Variants in GRM1 observed in about 807,000 individuals in gnomAD.
The protein encoded by GRM1 is glutamate metabotropic receptor 1.
Under a neutral mutation model 90.9 loss-of-function variants are expected in GRM1, and 33 were observed. That is an observed-to-expected ratio of 0.36 (90% CI 0.28 to 0.49). The LOEUF (loss-of-function observed/expected upper bound fraction) is 0.49. GRM1 is among the 20% of genes least tolerant of loss of function. GRM1 has a pLI of 0.99. For synonymous variants in GRM1, 700 were observed against 613.2 expected (o/e 1.14, Z -2.09); for missense variants, 1,190 against 1,534.3 (o/e 0.78, Z 3.75).
At chr6:146,052,905 C>T (rs1315701126) in intron 1 of GRM1, among the ~76,000 whole-genome samples, 5 of 152,098 alleles carry the variant, frequency 3.3e-5, no homozygotes, top group East Asian at 1.9e-4. Context: ...CGTCATATTT[C>T]CAGAACCTAG....
chr6:146,358,442 G>A (rs1045976226), intron 5 of GRM1, among the ~76,000 whole-genome samples: 2 of 152,090 alleles, frequency 1.3e-5, no homozygotes, highest in Non-Finnish European at 2.9e-5. Context: ...TGAATGGCAG[G>A]GTATGGATTA....
intron 1 of GRM1, among the ~76,000 whole-genome samples, chr6:146,135,893 T>C (rs1776598893): frequency 6.6e-6 from 1 of 152,118 alleles, no homozygotes; most frequent in South Asian, 2.1e-4. Flanking sequence ...TCTATTTTTT[T>C]ATACCCATTA....
intron 3 of GRM1, among the ~76,000 whole-genome samples, chr6:146,333,054 A>G (rs760546247): frequency 9.2e-5 from 14 of 152,220 alleles, no homozygotes; most frequent in Non-Finnish European, 1.9e-4. Context: ...ATTGATAACT[A>G]TGCTTCATTA....
intron 3 of GRM1, among the ~76,000 whole-genome samples, chr6:146,346,092 G>A (rs1785179862): frequency 6.6e-6 from 1 of 152,190 alleles, no homozygotes; most frequent in Non-Finnish European, 1.5e-5. Flanking sequence ...ACACCCTTGT[G>A]ATTGCCCTTA....
chr6:146,167,595 C>T (rs1372003370), intron 2 of GRM1, among the ~76,000 whole-genome samples: 1 of 152,010 alleles, frequency 6.6e-6, no homozygotes, highest in Non-Finnish European at 1.5e-5. Flanking sequence ...GTGGGTGTAT[C>T]GTGGCATCTC....
chr6:146,074,340 G>A (rs1194290445), intron 1 of GRM1, among the ~76,000 whole-genome samples: 1 of 152,106 alleles, frequency 6.6e-6, no homozygotes, highest in African/African-American at 2.4e-5. Context: ...CACAGGAGGA[G>A]TTTAAGAAGA....
chr6:146,270,932 CCTTCCTTCCTTCCTTCCTTCCTTT>C (rs1782126930), intron 2 of GRM1, among the ~76,000 whole-genome samples: 1 of 123,190 alleles, frequency 8.1e-6, no homozygotes, highest in African/African-American at 3.9e-5. Flanking sequence ...TTCCTTCCTT[CCTTCCTTCCTTCCTTCCTTCCTTT>C]CTTTCTTTCT....
chr6:146,349,072 T>C (rs1440425670), intron 3 of GRM1, among the ~76,000 whole-genome samples: 1 of 147,582 alleles, frequency 6.8e-6, no homozygotes. Flanking sequence ...TTATTATTAT[T>C]ATTATTATTA....
intron 1 of GRM1, among the ~76,000 whole-genome samples, chr6:146,155,964 C>T (rs1777512874): frequency 6.6e-6 from 1 of 152,190 alleles, no homozygotes; most frequent in South Asian, 2.1e-4. Flanking sequence ...TCACTGAGAA[C>T]AAGAATGGAT....
chr6:146,335,257 T>C (rs909922464), intron 3 of GRM1, among the ~76,000 whole-genome samples: 34 of 152,186 alleles, frequency 2.2e-4, no homozygotes, highest in African/African-American at 7.2e-5. Context: ...TGTTATAATT[T>C]GTATTTATGT....
chr6:146,297,483 T>A (rs1051206728), intron 2 of GRM1, among the ~76,000 whole-genome samples: 8 of 152,278 alleles, frequency 5.3e-5, no homozygotes, highest in South Asian at 2.1e-4. Flanking sequence ...AATTTTTTTT[T>A]AAATATTCTA....
At chr6:146,109,725 G>A (rs189976521) in intron 1 of GRM1, among the ~76,000 whole-genome samples, 247 of 152,212 alleles carry the variant, frequency 1.6e-3, no homozygotes, top group African/African-American at 5.4e-3. Context: ...ACTCAATTCC[G>A]GCCCACGAAA....
intron 3 of GRM1, among the ~76,000 whole-genome samples, chr6:146,312,185 C>CA (rs1783794843): frequency 6.6e-6 from 1 of 151,174 alleles, no homozygotes; most frequent in Admixed American, 6.6e-5. Context: ...ACTAAAAACA[C>CA]AAAAAATTAG....
intron 3 of GRM1, among the ~76,000 whole-genome samples, chr6:146,351,241 T>G (rs1419190688): frequency 6.6e-6 from 1 of 152,154 alleles, no homozygotes; most frequent in Non-Finnish European, 1.5e-5. Context: ...ATTGCTGACT[T>G]TCCCACCTTC....
intron 2 of GRM1, among the ~76,000 whole-genome samples, chr6:146,229,263 C>T (rs73575033): frequency 0.092 from 13,903 of 151,294 alleles, 1,687 homozygotes; most frequent in African/African-American, 0.27. Flanking sequence ...GGATTACAGG[C>T]GTGACCCAAC....
At chr6:146,212,501 T>C (rs962190940) in intron 2 of GRM1, among the ~76,000 whole-genome samples, 1 of 152,214 alleles carries the variant, frequency 6.6e-6, no homozygotes, top group Non-Finnish European at 1.5e-5. Context: ...CAGATATTAA[T>C]GCTCCAGGCC....
chr6:146,393,332 T>A (rs1359776549), intron 6 of GRM1, among the ~76,000 whole-genome samples: 1 of 152,182 alleles, frequency 6.6e-6, no homozygotes, highest in Non-Finnish European at 1.5e-5. Context: ...AGTGTCTTCT[T>A]TTGAGAAGTT....
chr6:146,265,511 T>C (rs975282176), intron 2 of GRM1, among the ~76,000 whole-genome samples: 3 of 152,252 alleles, frequency 2.0e-5, no homozygotes, highest in African/African-American at 7.2e-5. Flanking sequence ...TTTCTTTGGC[T>C]GTCCAGAAAC....
rs545021645 is a variant in GRM1, at chr6:146,375,372, C to T, written c.1603-11518C>T. Among the ~76,000 whole-genome samples, 8 of 151,878 alleles carry T rather than the reference C, an allele frequency of 5.3e-5. No individual in the cohort carries two copies. In the South Asian group the frequency reaches 1.5e-3, roughly 28 times the overall value. On this transcript the variant is annotated intron_variant, in intron 5 of 7. Coordinates refer to ENST00000282753, the MANE Select transcript of GRM1 (RefSeq NM_001278064.2). ...CTGAGAAAGAGTGTGTATTCTGCAGCTCTTAGATGAAATCTTCTGTAATTA... is the reference window on the plus strand; with the variant it reads ...CTGAGAAAGAGTGTGTATTCTGCAGTTCTTAGATGAAATCTTCTGTAATTA...
Sources: allele counts gnomAD v4.1 joint callset (sites outside exome capture counted in the v4.1 genomes callset), GRCh38; gene constraint gnomAD v4.1.1; transcripts MANE v1.5; gene names NCBI Gene and HGNC (gene_info 2026-07-23, HGNC 2026-07-21).